Variants in TSGA10 observed in about 807,000 individuals in gnomAD.
TSGA10 encodes testis-specific gene 10 protein.
In TSGA10, 43 loss-of-function variants were observed where a neutral mutation model predicts 96.6. The observed-to-expected ratio is 0.44, with a 90% CI of 0.35 to 0.57. The LOEUF (loss-of-function observed/expected upper bound fraction) is 0.57. Among genes scored for constraint, TSGA10 ranks in the 20% least tolerant of loss-of-function variants. TSGA10 has a pLI of 0.01. For synonymous variants in TSGA10, 229 were observed against 269.9 expected, an observed-to-expected ratio of 0.85 and a Z score of 1.48; for missense variants, 703 against 834.4, an observed-to-expected ratio of 0.84 and a Z score of 1.94.
In TSGA10 at chr2:99,046,558, G is replaced by A. The variant is rs186181040; in HGVS notation, c.1405-11119C>T. ...AGACACAACATACTAGAATCTCTGG[G>A]ACACAGCTAAAGCAGTGTGTAGAGG... On this transcript the variant is annotated intron_variant, in intron 16 of 20. Coordinates refer to ENST00000393483, the MANE Select transcript of TSGA10 (RefSeq NM_025244.4). Among the ~76,000 whole-genome samples, 241 of 152,288 alleles carry A rather than the reference G, an allele frequency of 1.6e-3. 1 individual carries two copies. The highest frequency in any genetic ancestry group is 1.0e-2 in the South Asian group (48 of 4,822).
chr2:99,078,712 A>G lies in TSGA10; in HGVS notation c.829T>C (p.Leu277=). The change falls in exon 12 of 21, where the codon TTG becomes CTG. Residue 277 remains leucine, a synonymous_variant. Coordinates refer to ENST00000393483, the MANE Select transcript of TSGA10 (RefSeq NM_025244.4). Reference sequence around the variant, plus strand: ...GCAATATTCTCAGATTTTTTATCCAAACATGCTTGCAGGCATTCCTTTTCT... The same window carrying G: ...GCAATATTCTCAGATTTTTTATCCAGACATGCTTGCAGGCATTCCTTTTCT... ...AKEKECLQAC[L]DKKSENIASL... is the part of the protein sequence containing the mutation. 1 of 1,613,812 alleles carries G rather than the reference A, an allele frequency of 6.2e-7. No homozygotes were observed.
rs528129700 is a variant in TSGA10 at position 99,001,619 on chromosome 2, T to C, written c.2073-3398A>G. Among the ~76,000 whole-genome samples the C allele has an allele frequency of 2.6e-5, 4 of 152,092 alleles. No individual in the cohort carries two copies. The East Asian group carries it at 5.8e-4, about 22-fold the overall frequency. On this transcript the variant is annotated intron_variant, in intron 20 of 20. Transcript: ENST00000393483. ...CTCCCCACCAGCAACAGAACAAAAC[T>C]GGACAGAGAATGACTTTAACGAGTT...
At chr2:99,078,043 G>A (rs1182175776) in intron 12 of TSGA10, among the ~76,000 whole-genome samples, 5 of 151,260 alleles carry the variant, frequency 3.3e-5, no homozygotes, top group Non-Finnish European at 5.9e-5. Context: ...AGGCTGAGGT[G>A]GGCGGATCAC....
intron 1 of TSGA10, among the ~76,000 whole-genome samples, chr2:99,135,510 T>A: frequency 6.6e-6 from 1 of 152,248 alleles, no homozygotes; most frequent in East Asian, 1.9e-4. Context: ...TCTTTATTTT[T>A]TTCAATGTGA....
chr2:99,101,726 G>A (rs2090761364), intron 10 of TSGA10, among the ~76,000 whole-genome samples: 2 of 152,158 alleles, frequency 1.3e-5, no homozygotes, highest in African/African-American at 2.4e-5. Context: ...CAAGAAAGGA[G>A]GAAATTCTGT....
At chr2:99,044,134 A>T (rs1273339354) in intron 16 of TSGA10, among the ~76,000 whole-genome samples, 2 of 152,160 alleles carry the variant, frequency 1.3e-5, no homozygotes, top group Non-Finnish European at 2.9e-5. Flanking sequence ...TGGGCAAAAT[A>T]ACCAGGTAGC....
chr2:99,024,543 C>T lies in TSGA10; in HGVS notation c.1615-4061G>A, dbSNP rs77760387. 5.6e-3 allele frequency among the ~76,000 whole-genome samples: 855 copies of T among 152,148 alleles called. 6 individuals are homozygous for T. The highest frequency in any genetic ancestry group is 8.7e-3 in the Non-Finnish European group (592 of 68,000). ...ACCCTGATGCTCATTAATTCTAATA[C>T]GTTTTTAGTGGATTCTTAGGATTTT... On this transcript the variant is annotated intron_variant, in intron 17 of 20. Transcript: ENST00000393483.
intron 2 of TSGA10, among the ~76,000 whole-genome samples, chr2:99,119,615 A>G (rs1189804454): frequency 1.3e-5 from 2 of 152,224 alleles, no homozygotes; most frequent in Non-Finnish European, 2.9e-5. Context: ...CTTCAATTTC[A>G]GGAAAATACG....
chr2:99,003,982 C>T (rs576607845), intron 20 of TSGA10, among the ~76,000 whole-genome samples: 2 of 152,164 alleles, frequency 1.3e-5, no homozygotes, highest in South Asian at 2.1e-4. Context: ...ACATAAAAAA[C>T]CCTTCAAAAA....
chr2:99,069,475 A>G (rs985019770), intron 14 of TSGA10, among the ~76,000 whole-genome samples: 5 of 152,050 alleles, frequency 3.3e-5, no homozygotes, highest in African/African-American at 4.8e-5. Context: ...GAAATGGCAC[A>G]TGGGGATTCA....
intron 20 of TSGA10, 80 bp downstream of exon 20, chr2:99,018,120 G>T: frequency 1.4e-6 from 2 of 1,449,526 alleles, no homozygotes; most frequent in East Asian, 2.3e-5. Flanking sequence ...AGACTATTGA[G>T]TTTCCTTATT....
intron 17 of TSGA10, among the ~76,000 whole-genome samples, chr2:99,030,555 G>A (rs758450044): frequency 6.6e-5 from 10 of 152,110 alleles, no homozygotes; most frequent in Non-Finnish European, 1.2e-4. Context: ...GGAGGCTGAG[G>A]TGAAAGAATT....
At chr2:99,053,237 A>G (rs548528644) in intron 16 of TSGA10, among the ~76,000 whole-genome samples, 1 of 152,262 alleles carries the variant, frequency 6.6e-6, no homozygotes, top group East Asian at 1.9e-4. Context: ...AAGACTTCCA[A>G]ATTCATTTTA....
chr2:99,058,972 G>T (rs2084315019), intron 16 of TSGA10, among the ~76,000 whole-genome samples: 2 of 149,758 alleles, frequency 1.3e-5, no homozygotes, highest in Non-Finnish European at 3.0e-5. Flanking sequence ...GGAGATGGAG[G>T]TTGCAGCAAG....
chr2:99,014,753 CAAGAA>C (rs1169554330), intron 20 of TSGA10, among the ~76,000 whole-genome samples: 14 of 151,836 alleles, frequency 9.2e-5, no homozygotes, highest in African/African-American at 3.4e-4. Flanking sequence ...CGAGATTAAC[CAAGAA>C]AAGAAGAGAG....
At chr2:99,057,775 C>T (rs2084174061) in intron 16 of TSGA10, among the ~76,000 whole-genome samples, 1 of 152,076 alleles carries the variant, frequency 6.6e-6, no homozygotes, top group African/African-American at 2.4e-5. Flanking sequence ...ATTCAAAAGT[C>T]TCAGAATAGC....
Position 99,105,600 on chromosome 2 carries a change from G to GA in TSGA10, c.307_308insT (p.Thr103IlefsTer2). 6.2e-7 allele frequency: 1 copy of GA among 1,611,020 alleles called. No individual in the cohort carries two copies. The highest frequency in any genetic ancestry group is 8.5e-7 in the Non-Finnish European group (1 of 1,177,444). ...ATCAGTAAAGGCTACATCTCTTTCAGTCTCCACTCGCCGGAGAATAGCATG... is the reference window on the plus strand; with the variant it reads ...ATCAGTAAAGGCTACATCTCTTTCAGATCTCCACTCGCCGGAGAATAGCATG... On this transcript the variant is annotated frameshift_variant, in exon 8 of 21. Transcript: ENST00000393483. LOFTEE classifies it high-confidence loss of function.
chr2:99,063,443 C>A (rs1480132502), intron 16 of TSGA10, among the ~76,000 whole-genome samples: 1 of 151,986 alleles, frequency 6.6e-6, no homozygotes, highest in Non-Finnish European at 1.5e-5. Context: ...AAGCCACAGA[C>A]AAGGACAATA....
intron 20 of TSGA10, among the ~76,000 whole-genome samples, chr2:99,000,981 C>T (rs57765663): frequency 0.033 from 5,060 of 152,268 alleles, 275 homozygotes; most frequent in African/African-American, 0.11. Context: ...AAGCTCGAAC[C>T]GGGTGGAGCC....
Sources: allele counts gnomAD v4.1 joint callset (sites outside exome capture counted in the v4.1 genomes callset), GRCh38; gene constraint gnomAD v4.1.1; transcripts MANE v1.5; gene names NCBI Gene and HGNC (gene_info 2026-07-23, HGNC 2026-07-21).